The following LUZP2 variants were observed in gnomAD, a reference collection of about 807,000 sequenced individuals.
LUZP2 encodes the protein leucine zipper protein 2.
In LUZP2, 52 loss-of-function variants were observed where a neutral mutation model predicts 51.6. The ratio of observed to expected loss-of-function variants is 1.01; its 90% confidence interval spans 0.81 to 1.27. The LOEUF (loss-of-function observed/expected upper bound fraction) is 1.27. LUZP2 is among the 50% of genes most tolerant of loss of function. The pLI, the probability that LUZP2 is intolerant of heterozygous loss-of-function variation, is 0.00. For synonymous variants in LUZP2, 154 were observed against 137.3 expected (o/e 1.12, Z -0.85); for missense variants, 436 against 395.4 (o/e 1.10, Z -0.87).
In LUZP2 at chr11:25,027,884, AG is replaced by A. The variant is rs71483440; in HGVS notation, c.766-22152del. 1.7e-4 allele frequency among the ~76,000 whole-genome samples: 24 copies of A among 139,920 alleles called. 1 individual carries two copies. The highest frequency in any genetic ancestry group is 8.3e-4 in the East Asian group (4 of 4,828). 91.8% of individuals were successfully genotyped at this position (139,920 alleles called of 152,430 possible). On this transcript the variant is annotated intron_variant, in intron 9 of 11. Coordinates refer to ENST00000336930, the MANE Select transcript of LUZP2 (RefSeq NM_001009909.4). ...AATTCCGTCTCAAAAAAAAAAAAAA[AG>A]GTGTTTAGATTTAGATACCATCAAT...
intron 1 of LUZP2, among the ~76,000 whole-genome samples, chr11:24,625,847 T>C (rs1020982838): frequency 1.3e-5 from 2 of 152,142 alleles, no homozygotes; most frequent in Non-Finnish European, 2.9e-5. Context: ...TCAAAGAATA[T>C]GTTTGTACAG....
At chr11:24,629,901 A>G (rs1310351703) in intron 1 of LUZP2, among the ~76,000 whole-genome samples, 1 of 151,954 alleles carries the variant, frequency 6.6e-6, no homozygotes, top group Non-Finnish European at 1.5e-5. Context: ...GTTGGGTATG[A>G]TAAAGTACCA....
intron 5 of LUZP2, among the ~76,000 whole-genome samples, chr11:24,769,430 AG>A (rs749890076): frequency 1.3e-5 from 2 of 152,224 alleles, no homozygotes; most frequent in Non-Finnish European, 2.9e-5. Flanking sequence ...TTGAGGTGAT[AG>A]ATATGCTGAT....
chr11:24,638,610 G>A, intron 1 of LUZP2, among the ~76,000 whole-genome samples: 1 of 151,410 alleles, frequency 6.6e-6, no homozygotes, highest in African/African-American at 2.4e-5. Context: ...GGATTAACTT[G>A]GAATTTTTTC....
intron 1 of LUZP2, among the ~76,000 whole-genome samples, chr11:24,595,550 T>G (rs1012650106): frequency 6.6e-6 from 1 of 152,132 alleles, no homozygotes; most frequent in African/African-American, 2.4e-5. Context: ...CACCTGTCAA[T>G]TTTTTTACAT....
At chr11:24,903,780 A>G (rs1408541312) in intron 5 of LUZP2, among the ~76,000 whole-genome samples, 1 of 152,210 alleles carries the variant, frequency 6.6e-6, no homozygotes, top group East Asian at 1.9e-4. Context: ...GATATAATTA[A>G]ATAGCCACGA....
chr11:24,857,437 T>C (rs1318757019), intron 5 of LUZP2, among the ~76,000 whole-genome samples: 1 of 151,542 alleles, frequency 6.6e-6, no homozygotes, highest in East Asian at 1.9e-4. Flanking sequence ...ACAAGTAACA[T>C]TAATTTGCTA....
intron 5 of LUZP2, among the ~76,000 whole-genome samples, chr11:24,894,239 G>C (rs546205717): frequency 6.7e-6 from 1 of 149,086 alleles, no homozygotes; most frequent in African/African-American, 2.5e-5. Flanking sequence ...CAATGACATG[G>C]TCTTGACTCA....
chr11:24,983,413 G>C, intron 9 of LUZP2, 120 bp downstream of exon 9: 1 of 1,004,364 alleles, frequency 1.0e-6, no homozygotes, highest in East Asian at 2.6e-5. Flanking sequence ...TGAAAGATTA[G>C]GAGGAAAATG....
At position 24,938,593 on chromosome 11, in the gene LUZP2, G is replaced by C. The variant is rs549810127; in HGVS notation, c.522+24055G>C. On this transcript the variant is annotated intron_variant, in intron 7 of 11. Coordinates refer to ENST00000336930, the MANE Select transcript of LUZP2 (RefSeq NM_001009909.4). Reference sequence around the variant, plus strand: ...TCTGTGGATTTTTTTTTTTCTAATTGAGCAGAAACTATGTTAACTCAATGT... The same window carrying C: ...TCTGTGGATTTTTTTTTTTCTAATTCAGCAGAAACTATGTTAACTCAATGT... 4.0e-5 allele frequency among the ~76,000 whole-genome samples: 6 copies of C among 150,370 alleles called. No homozygotes were observed. In the East Asian group the frequency reaches 9.8e-4, roughly 24 times the overall value.
intron 10 of LUZP2, among the ~76,000 whole-genome samples, chr11:25,076,329 G>T (rs1469788302): frequency 6.6e-6 from 1 of 152,124 alleles, no homozygotes; most frequent in Non-Finnish European, 1.5e-5. Context: ...ACAAGTGTGA[G>T]CCATTTCACC....
intron 10 of LUZP2, among the ~76,000 whole-genome samples, chr11:25,070,581 G>C (rs1484241344): frequency 1.3e-5 from 2 of 151,930 alleles, no homozygotes; most frequent in East Asian, 3.9e-4. Flanking sequence ...AGAAACATGG[G>C]GAGCATCTTA....
chr11:24,596,630 T>C (rs1421063967), intron 1 of LUZP2, among the ~76,000 whole-genome samples: 1 of 152,134 alleles, frequency 6.6e-6, no homozygotes, highest in Admixed American at 6.6e-5. Flanking sequence ...CATCTAGATA[T>C]TTAGTCAGGA....
At chr11:24,703,014 A>T (rs73437124) in intron 1 of LUZP2, among the ~76,000 whole-genome samples, 17,769 of 152,236 alleles carry the variant, frequency 0.12, 1,064 homozygotes, top group African/African-American at 0.13. Context: ...TGTGTTGGGC[A>T]AGGAGGCAAG....
At chr11:25,000,839 G>A (rs1460722675) in intron 9 of LUZP2, among the ~76,000 whole-genome samples, 3 of 152,158 alleles carry the variant, frequency 2.0e-5, no homozygotes, top group South Asian at 4.1e-4. Context: ...CTGCTAAAGA[G>A]TCTATTTGGG....
At chr11:24,795,845 A>G (rs908172372) in intron 5 of LUZP2, among the ~76,000 whole-genome samples, 4 of 152,054 alleles carry the variant, frequency 2.6e-5, no homozygotes, top group African/African-American at 7.2e-5. Flanking sequence ...ACTGAGATAT[A>G]CACTTGCCTG....
chr11:24,512,022 A>G (rs1850325949), intron 1 of LUZP2, among the ~76,000 whole-genome samples: 1 of 152,148 alleles, frequency 6.6e-6, no homozygotes, highest in Non-Finnish European at 1.5e-5. Flanking sequence ...TGTCAGGGGG[A>G]GAGTGAATAA....
intron 9 of LUZP2, among the ~76,000 whole-genome samples, chr11:25,007,247 A>G (rs1177093906): frequency 6.6e-6 from 1 of 152,264 alleles, no homozygotes; most frequent in African/African-American, 2.4e-5. Context: ...TATTATTGTT[A>G]TTGTACAAAT....
At chr11:24,566,940 CA>C (rs1194786421) in intron 1 of LUZP2, among the ~76,000 whole-genome samples, 32 of 3,276 alleles carry the variant, frequency 9.8e-3, no homozygotes, top group Non-Finnish European at 0.015. Context: ...TATATATATA[CA>C]TAAATATATA....
Sources: allele counts gnomAD v4.1 joint callset (sites outside exome capture counted in the v4.1 genomes callset), GRCh38; gene constraint gnomAD v4.1.1; transcripts MANE v1.5; gene names NCBI Gene and HGNC (gene_info 2026-07-23, HGNC 2026-07-21).